SLC9A1: variants seen among roughly 807,000 people sequenced by gnomAD.
SLC9A1 encodes sodium/hydrogen exchanger 1.
A neutral mutation model predicts 67.9 loss-of-function variants in SLC9A1; 22 were observed. The ratio of observed to expected loss-of-function variants is 0.32; its 90% CI spans 0.23 to 0.46. The LOEUF (loss-of-function observed/expected upper bound fraction) is 0.46. Ranked by LOEUF, SLC9A1 falls within the 20% of genes least tolerant of loss-of-function variation. The probability of loss-of-function intolerance (pLI) is 1.00; values close to 1 mark genes in which losing one functional copy is unlikely to be tolerated. For synonymous variants in SLC9A1, 421 were observed against 471.8 expected (o/e 0.89, Z 1.40); for missense variants, 686 against 1,094.8 (o/e 0.63, Z 5.27).
chr1:27,124,160 A>G (rs908496120), intron 1 of SLC9A1, among the ~76,000 whole-genome samples: 42 of 152,212 alleles, frequency 2.8e-4, no homozygotes, highest in Non-Finnish European at 7.4e-5. Flanking sequence ...TCCAGGTACC[A>G]GTTTGCCCCA....
At chr1:27,120,514 G>A (rs1344657071) in intron 1 of SLC9A1, among the ~76,000 whole-genome samples, 4 of 151,398 alleles carry the variant, frequency 2.6e-5, no homozygotes, top group African/African-American at 7.3e-5. Flanking sequence ...GAGGCGGGTG[G>A]ATCACCTGAG....
Position 27,101,118 on chromosome 1 carries a change from G to A in SLC9A1, c.2110+85C>T. 3 of 1,046,860 alleles carry A rather than the reference G, an allele frequency of 2.9e-6. No homozygotes were observed. The highest frequency in any genetic ancestry group is 4.3e-6 in the Non-Finnish European group (3 of 695,700). The allele number at this position is 1,046,860 out of a possible 1,614,324, so 64.8% of individuals were successfully genotyped here. A position where few individuals can be genotyped will look rare whatever the true frequency, so the allele number is the denominator to read the frequency against. ...GAGGGCCAGGCCTGTCCTCCCAGTG[G>A]CTGAGGACTGTTCCTGTGGAGCCCC... On this transcript the variant is annotated intron_variant, in intron 11 of 11. Coordinates refer to ENST00000263980, the MANE Select transcript of SLC9A1 (RefSeq NM_003047.5). The surrounding 1 kb of genome is among the most constrained non-coding windows in gnomAD (Gnocchi z 4.9).
intron 1 of SLC9A1, among the ~76,000 whole-genome samples, chr1:27,130,441 G>A (rs1557427658): frequency 6.6e-6 from 1 of 152,172 alleles, no homozygotes; most frequent in Admixed American, 6.5e-5. Flanking sequence ...CAGTACCAGT[G>A]TGCCCTGGTT....
chr1:27,123,195 A>AT (rs2083316758), intron 1 of SLC9A1, among the ~76,000 whole-genome samples: 1 of 152,114 alleles, frequency 6.6e-6, no homozygotes, highest in South Asian at 2.1e-4. Flanking sequence ...GGTCATTAAA[A>AT]TTTTTTTCTA....
At chr1:27,129,883 C>A (rs1362928742) in intron 1 of SLC9A1, among the ~76,000 whole-genome samples, 1 of 152,170 alleles carries the variant, frequency 6.6e-6, no homozygotes, top group African/African-American at 2.4e-5. Context: ...GATCACCCTC[C>A]TCATTCTACA....
At chr1:27,144,504 G>A (rs1229992131) in intron 1 of SLC9A1, among the ~76,000 whole-genome samples, 1 of 152,184 alleles carries the variant, frequency 6.6e-6, no homozygotes, top group Non-Finnish European at 1.5e-5. Context: ...CGCTCCCAGC[G>A]AGCTCAGTTA....
chr1:27,148,522 A>G (rs2083504373), intron 1 of SLC9A1, among the ~76,000 whole-genome samples: 1 of 152,066 alleles, frequency 6.6e-6, no homozygotes, highest in African/African-American at 2.4e-5. Flanking sequence ...GCCTGGCAGG[A>G]GAGAGTTTGG....
In SLC9A1 at chr1:27,118,873, T is replaced by G. The variant is rs1036837215; in HGVS notation, c.353-4587A>C. Reference sequence around the variant, plus strand: ...AGCCACACAGCCTTCTTCGAGGACGTCCAGTCCTCCCAGAACAAGGAGGCA... The same window carrying G: ...AGCCACACAGCCTTCTTCGAGGACGGCCAGTCCTCCCAGAACAAGGAGGCA... On this transcript the variant is annotated intron_variant, in intron 1 of 11. Coordinates refer to ENST00000263980, the MANE Select transcript of SLC9A1 (RefSeq NM_003047.5). The surrounding 1 kb of genome is among the most constrained non-coding windows in gnomAD (Gnocchi z 4.3). Among the ~76,000 whole-genome samples, 1 of 152,032 alleles carries G rather than the reference T, an allele frequency of 6.6e-6. No homozygotes were observed. The highest frequency in any genetic ancestry group is 2.4e-5 in the African/African-American group (1 of 41,376).
At chr1:27,149,358 G>A (rs753745535) in intron 1 of SLC9A1, among the ~76,000 whole-genome samples, 1 of 152,190 alleles carries the variant, frequency 6.6e-6, no homozygotes, top group Non-Finnish European at 1.5e-5. Flanking sequence ...TTCCTCATCT[G>A]CAAAACAGAG....
At chr1:27,125,745 C>T (rs1052614219) in intron 1 of SLC9A1, among the ~76,000 whole-genome samples, 11 of 152,162 alleles carry the variant, frequency 7.2e-5, no homozygotes, top group Admixed American at 2.0e-4. Context: ...TAGGCGTATG[C>T]CACCACGTCC....
At position 27,138,975 on chromosome 1, in the gene SLC9A1, T is replaced by C. The variant is rs531436550; in HGVS notation, c.352+15008A>G. Among the ~76,000 whole-genome samples the C allele has an allele frequency of 1.7e-3, 264 of 151,986 alleles. 3 individuals carry two copies. Among genetic ancestry groups the C allele is most frequent in the African/African-American group, 6.2e-3 (258 of 41,372 alleles). ...TCAGGAGGCCCGGGAATCACCCGGG[T>C]TGGAGAAGATGGAGTGAAGAGGCAA... On this transcript the variant is annotated intron_variant, in intron 1 of 11. Transcript: ENST00000263980.
chr1:27,100,142 G>T lies in SLC9A1; in HGVS notation c.*165C>A, dbSNP rs1156387546. ...TGGGGAGGATGCTTCCCGGGAGGCG[G>T]CAGGGGAGGAGCTGTGCTGGGGTGG... On this transcript the variant is annotated 3_prime_UTR_variant, in exon 12 of 12. Coordinates refer to ENST00000263980, the MANE Select transcript of SLC9A1 (RefSeq NM_003047.5). The surrounding 1 kb of genome is among the most constrained non-coding windows in gnomAD (Gnocchi z 5.6). 6 of 495,104 alleles carry T rather than the reference G, an allele frequency of 1.2e-5. No homozygotes were observed. Among genetic ancestry groups the T allele is most frequent in the South Asian group, 4.0e-5 (1 of 24,726 alleles). The allele number at this position is 495,104 out of a possible 1,614,324, so 30.7% of individuals were successfully genotyped here.
chr1:27,116,829 G>T (rs949837374), intron 1 of SLC9A1, among the ~76,000 whole-genome samples: 3 of 152,100 alleles, frequency 2.0e-5, no homozygotes, highest in Non-Finnish European at 4.4e-5. Flanking sequence ...TTTCAGCCTT[G>T]CCAAATTCCT....
intron 1 of SLC9A1, 51 bp downstream of exon 1, chr1:27,153,932 G>A: frequency 7.9e-7 from 1 of 1,272,248 alleles, no homozygotes; most frequent in Admixed American, 2.1e-5. Context: ...GATGAGGCAA[G>A]AAGCTCACCA....
chr1:27,144,504 G>T (rs1229992131), intron 1 of SLC9A1, among the ~76,000 whole-genome samples: 1 of 152,184 alleles, frequency 6.6e-6, no homozygotes, highest in Non-Finnish European at 1.5e-5. Context: ...CGCTCCCAGC[G>T]AGCTCAGTTA....
At chr1:27,117,106 C>T (rs565769205) in intron 1 of SLC9A1, among the ~76,000 whole-genome samples, 3 of 152,198 alleles carry the variant, frequency 2.0e-5, no homozygotes, top group South Asian at 2.1e-4. Flanking sequence ...TGGCACCCAC[C>T]GAGATCAGTC....
At chr1:27,117,495 C>G (rs2083279418) in intron 1 of SLC9A1, among the ~76,000 whole-genome samples, 1 of 152,168 alleles carries the variant, frequency 6.6e-6, no homozygotes, top group East Asian at 1.9e-4. Flanking sequence ...ATCCACAGAG[C>G]TTTCCTGGCC....
At chr1:27,102,957 C>A (rs1213910047) in intron 6 of SLC9A1, among the ~76,000 whole-genome samples, 1 of 152,192 alleles carries the variant, frequency 6.6e-6, no homozygotes, top group Non-Finnish European at 1.5e-5. Flanking sequence ...CCGGCTGAGC[C>A]CCCTTCTCTA....
In SLC9A1 at chr1:27,151,030, C is replaced by T. The variant is rs570098790; in HGVS notation, c.352+2953G>A. Among the ~76,000 whole-genome samples the T allele has an allele frequency of 7.4e-4, 112 of 152,322 alleles. 1 individual carries two copies. Among genetic ancestry groups the T allele is most frequent in the African/African-American group, 2.6e-3 (110 of 41,572 alleles). Reference sequence around the variant, plus strand: ...CAGAGGGAGCATGGCCTCAGCCCCCCACCCTTATCCCTACAAGGCAGCTGG... The same window carrying T: ...CAGAGGGAGCATGGCCTCAGCCCCCTACCCTTATCCCTACAAGGCAGCTGG... On this transcript the variant is annotated intron_variant, in intron 1 of 11. Coordinates refer to ENST00000263980, the MANE Select transcript of SLC9A1 (RefSeq NM_003047.5).
Sources: gnomAD v4.1 joint callset for allele counts (sites outside exome capture counted in the v4.1 genomes callset) on GRCh38, gnomAD v4.1.1 for gene constraint, Gnocchi (gnomAD v3.1) non-coding constraint, MANE v1.5 for transcripts, NCBI Gene and HGNC (gene_info 2026-07-23, HGNC 2026-07-21) for gene names.